LPCAT2: variants seen among roughly 807,000 people sequenced by gnomAD.
LPCAT2 encodes the protein 1-AGP acyltransferase 11.
In LPCAT2, 58 loss-of-function variants were observed where a neutral mutation model predicts 64.7. The observed-to-expected ratio is 0.90, with a 90% confidence interval of 0.73 to 1.12. LPCAT2 has a LOEUF of 1.12. LPCAT2 is among the 50% of genes most tolerant of loss of function. The pLI, the probability that LPCAT2 is intolerant of heterozygous loss-of-function variation, is 0.00. For synonymous variants in LPCAT2, 252 were observed against 245.3 expected, an observed-to-expected ratio of 1.03 and a Z score of -0.26; for missense variants, 579 against 669.8, an observed-to-expected ratio of 0.86 and a Z score of 1.50.
chr16:55,557,768 C>T (rs1317434219), intron 11 of LPCAT2, among the ~76,000 whole-genome samples: 1 of 152,118 alleles, frequency 6.6e-6, no homozygotes, highest in African/African-American at 2.4e-5. Flanking sequence ...ATCTCTCCAC[C>T]ATTCTTTTAC....
chr16:55,561,369 A>ATT (rs1963634043), intron 11 of LPCAT2, among the ~76,000 whole-genome samples: 2 of 33,116 alleles, frequency 6.0e-5, no homozygotes, highest in South Asian at 1.3e-3. Flanking sequence ...CCCCTCCTAT[A>ATT]CTTTTTTTTT....
intron 8 of LPCAT2, 115 bp downstream of exon 8, chr16:55,537,747 G>A (rs1057252801): frequency 2.5e-6 from 2 of 811,642 alleles, no homozygotes; most frequent in Non-Finnish European, 4.0e-6. Context: ...TTTACAAATT[G>A]TGTATATAAA....
At chr16:55,551,180 A>G (rs534233441) in intron 11 of LPCAT2, 78 bp downstream of exon 11, 1 of 1,319,258 alleles carries the variant, frequency 7.6e-7, no homozygotes, top group East Asian at 2.4e-5. Context: ...GGCAATTTGA[A>G]AAACTTGATA....
chr16:55,549,485 T>A, intron 10 of LPCAT2, 83 bp downstream of exon 10: 2 of 1,289,976 alleles, frequency 1.6e-6, no homozygotes, highest in Non-Finnish European at 2.1e-6. Context: ...CCTGCTTTAT[T>A]AATGCTCAGC....
At chr16:55,522,388 AG>A (rs1355772005) in intron 1 of LPCAT2, among the ~76,000 whole-genome samples, 1 of 151,744 alleles carries the variant, frequency 6.6e-6, no homozygotes, top group Non-Finnish European at 1.5e-5. Context: ...CAATATTATT[AG>A]GATGACAATT....
chr16:55,559,257 G>C (rs1486160901), intron 11 of LPCAT2, among the ~76,000 whole-genome samples: 1 of 152,112 alleles, frequency 6.6e-6, no homozygotes, highest in Non-Finnish European at 1.5e-5. Context: ...CTCCTAACAA[G>C]TACTTAGTTC....
chr16:55,575,100 G>A (rs188025865), intron 12 of LPCAT2, among the ~76,000 whole-genome samples: 7 of 152,184 alleles, frequency 4.6e-5, no homozygotes, highest in African/African-American at 9.6e-5. Context: ...CTGATCTATC[G>A]TTATTTTCTC....
At chr16:55,546,606 T>C (rs1275918839) in intron 9 of LPCAT2, among the ~76,000 whole-genome samples, 1 of 152,228 alleles carries the variant, frequency 6.6e-6, no homozygotes, top group Non-Finnish European at 1.5e-5. Context: ...TATGTGTATA[T>C]GTATGTGTCT....
intron 1 of LPCAT2, among the ~76,000 whole-genome samples, chr16:55,513,190 C>T (rs1431264567): frequency 6.6e-6 from 1 of 151,994 alleles, no homozygotes; most frequent in African/African-American, 2.4e-5. Context: ...TTGAAAGGAG[C>T]TATTATAAAA....
chr16:55,553,951 G>A (rs1169748482), intron 11 of LPCAT2, among the ~76,000 whole-genome samples: 2 of 152,166 alleles, frequency 1.3e-5, no homozygotes, highest in Non-Finnish European at 2.9e-5. Flanking sequence ...GTAACTAGGT[G>A]CATTCTCAGT....
chr16:55,560,028 G>A (rs1333036383), intron 11 of LPCAT2, among the ~76,000 whole-genome samples: 5 of 152,150 alleles, frequency 3.3e-5, no homozygotes, highest in Non-Finnish European at 5.9e-5. Flanking sequence ...GAGATGCACA[G>A]AGGAAACAGA....
chr16:55,535,346 T>C (rs1316159318), intron 7 of LPCAT2, among the ~76,000 whole-genome samples: 2 of 152,188 alleles, frequency 1.3e-5, no homozygotes, highest in African/African-American at 4.8e-5. Context: ...ACTTCTGAAA[T>C]CAAAACTGCA....
At chr16:55,513,167 C>T (rs568883880) in intron 1 of LPCAT2, among the ~76,000 whole-genome samples, 8 of 152,022 alleles carry the variant, frequency 5.3e-5, no homozygotes, top group South Asian at 2.1e-4. Flanking sequence ...TGTAGGACTT[C>T]GCAGAAAAAT....
At chr16:55,544,912 G>A (rs1963436746) in intron 8 of LPCAT2, among the ~76,000 whole-genome samples, 1 of 152,108 alleles carries the variant, frequency 6.6e-6, no homozygotes, top group Admixed American at 6.5e-5. Context: ...ATCTATAATT[G>A]GGGGTAATAA....
intron 1 of LPCAT2, among the ~76,000 whole-genome samples, chr16:55,515,989 A>G (rs1021326380): frequency 9.2e-5 from 14 of 152,222 alleles, no homozygotes; most frequent in Admixed American, 9.2e-4. Flanking sequence ...TCATATATAA[A>G]TCCTACCTTA....
At chr16:55,567,296 C>T (rs757663257) in intron 11 of LPCAT2, 64 of 1,613,454 alleles carry the variant, frequency 4.0e-5, no homozygotes, top group Admixed American at 8.3e-5. Context: ...CTCTGCAGGC[C>T]GCAGGCTTCC....
chr16:55,517,085 G>A (rs1963023361), intron 1 of LPCAT2, among the ~76,000 whole-genome samples: 2 of 151,402 alleles, frequency 1.3e-5, no homozygotes, highest in African/African-American at 4.9e-5. Context: ...CCAGAAGTTG[G>A]TACTCTGAAA....
At chr16:55,582,840 G>A (rs1020235536) in intron 13 of LPCAT2, 74 bp from the exon 14 acceptor site, 1 of 928,604 alleles carries the variant, frequency 1.1e-6, no homozygotes, top group Admixed American at 2.4e-5. Context: ...CATTATTAGA[G>A]TCATTTATTA....
intron 7 of LPCAT2, among the ~76,000 whole-genome samples, chr16:55,536,609 A>G (rs151213930): frequency 2.0e-5 from 3 of 152,332 alleles, no homozygotes; most frequent in African/African-American, 7.2e-5. Flanking sequence ...AAGCTCCTAC[A>G]TTCCTTAAAT....
Sources: gnomAD v4.1 joint callset for allele counts (sites outside exome capture counted in the v4.1 genomes callset) on GRCh38, gnomAD v4.1.1 for gene constraint, MANE v1.5 for transcripts, NCBI Gene and HGNC (gene_info 2026-07-23, HGNC 2026-07-21) for gene names.